Variants in DPP10 observed in about 807,000 individuals in gnomAD.
The protein encoded by DPP10 is inactive dipeptidyl peptidase 10.
In DPP10, 33 loss-of-function variants were observed where a neutral mutation model predicts 120.9. That is an observed-to-expected ratio of 0.27 (90% CI 0.21 to 0.37). The LOEUF is 0.37. Among genes scored for constraint, DPP10 ranks in the 10% least tolerant of loss-of-function variants. DPP10 has a pLI of 1.00. For missense variants in DPP10, 816 were observed against 942.8 expected (o/e 0.87, Z 1.76); for synonymous variants, 337 against 326.1 (o/e 1.03, Z -0.36).
chr2:115,410,247 T>C (rs2068841700), intron 3 of DPP10, among the ~76,000 whole-genome samples: 1 of 152,196 alleles, frequency 6.6e-6, no homozygotes, highest in Admixed American at 6.5e-5. Context: ...CCATCAATGA[T>C]AGACTGGATT....
At chr2:115,341,398 A>G (rs551251790) in intron 2 of DPP10, among the ~76,000 whole-genome samples, 3 of 152,078 alleles carry the variant, frequency 2.0e-5, no homozygotes, top group East Asian at 1.9e-4. Context: ...AGCTTCCCCA[A>G]TTATCAACAT....
chr2:115,055,478 G>C (rs1195778881), intron 1 of DPP10, among the ~76,000 whole-genome samples: 1 of 152,116 alleles, frequency 6.6e-6, no homozygotes, highest in Non-Finnish European at 1.5e-5. Context: ...AAAACGACAG[G>C]CGAAGAACCA....
At chr2:114,556,128 G>A (rs907719094) in intron 1 of DPP10, among the ~76,000 whole-genome samples, 4 of 151,518 alleles carry the variant, frequency 2.6e-5, no homozygotes, top group African/African-American at 9.7e-5. Flanking sequence ...GGGACAAGAA[G>A]GGCAGCAGGG....
intron 4 of DPP10, among the ~76,000 whole-genome samples, chr2:115,515,113 A>G (rs10197520): frequency 1.3e-5 from 2 of 151,966 alleles, no homozygotes; most frequent in East Asian, 3.9e-4. Context: ...TAATAGCACC[A>G]TAAAGTGTTC....
At chr2:115,026,214 G>GAT (rs1442942992) in intron 1 of DPP10, among the ~76,000 whole-genome samples, 1 of 152,106 alleles carries the variant, frequency 6.6e-6, no homozygotes, top group African/African-American at 2.4e-5. Context: ...TGTGGTGAGA[G>GAT]ATAGGGATCT....
intron 1 of DPP10, among the ~76,000 whole-genome samples, chr2:114,663,653 A>ATATATG (rs1270073760): frequency 2.8e-5 from 3 of 108,288 alleles, no homozygotes; most frequent in Admixed American, 9.0e-5. Context: ...ATATATATAT[A>ATATATG]TATATATATA....
At chr2:115,254,602 CCTT>C (rs761249828) in intron 1 of DPP10, among the ~76,000 whole-genome samples, 15 of 152,276 alleles carry the variant, frequency 9.9e-5, no homozygotes, top group Admixed American at 2.6e-4. Context: ...AAGGCAAGTC[CCTT>C]CTTCTTATGA....
intron 1 of DPP10, among the ~76,000 whole-genome samples, chr2:114,560,989 T>G (rs771444576): frequency 6.6e-6 from 1 of 152,200 alleles, no homozygotes; most frequent in South Asian, 2.1e-4. Context: ...AATGAACTTT[T>G]GTGTTCTCAC....
At chr2:115,304,649 T>C (rs191326534) in intron 1 of DPP10, among the ~76,000 whole-genome samples, 127 of 152,202 alleles carry the variant, frequency 8.3e-4, no homozygotes, top group Non-Finnish European at 1.6e-3. Context: ...ATAAATACAT[T>C]GACGTTTTCC....
chr2:114,659,049 G>T (rs1435569002), intron 1 of DPP10, among the ~76,000 whole-genome samples: 1 of 152,042 alleles, frequency 6.6e-6, no homozygotes, highest in Non-Finnish European at 1.5e-5. Context: ...TCTCTCTCAC[G>T]CTTCTGCTGC....
At chr2:114,649,738 A>G (rs1270171823) in intron 1 of DPP10, among the ~76,000 whole-genome samples, 1 of 152,228 alleles carries the variant, frequency 6.6e-6, no homozygotes, top group East Asian at 1.9e-4. Flanking sequence ...GGACTAGTAT[A>G]TAGTAGGGAT....
chr2:115,157,158 T>C (rs531693752), intron 1 of DPP10, among the ~76,000 whole-genome samples: 1 of 151,388 alleles, frequency 6.6e-6, no homozygotes, highest in Admixed American at 6.6e-5. Context: ...GGTAAAATAA[T>C]CTGCATTGTT....
At chr2:114,716,959 T>C (rs1701388057) in intron 1 of DPP10, among the ~76,000 whole-genome samples, 2 of 152,126 alleles carry the variant, frequency 1.3e-5, no homozygotes, top group African/African-American at 2.4e-5. Flanking sequence ...GTACACAGCT[T>C]TAAAACAAAG....
chr2:115,806,130 A>G (rs925831193), intron 19 of DPP10, among the ~76,000 whole-genome samples: 4 of 152,192 alleles, frequency 2.6e-5, no homozygotes, highest in African/African-American at 7.2e-5. Flanking sequence ...AAAAAGACCC[A>G]TAATTAGAGC....
intron 1 of DPP10, among the ~76,000 whole-genome samples, chr2:114,601,740 A>T (rs1030244636): frequency 1.3e-5 from 2 of 151,946 alleles, no homozygotes; most frequent in African/African-American, 4.8e-5. Context: ...TCCACACTAC[A>T]GCTGCAGTTT....
At chr2:114,507,792 AACCC>A (rs1362606161) in intron 1 of DPP10, among the ~76,000 whole-genome samples, 1 of 152,222 alleles carries the variant, frequency 6.6e-6, no homozygotes, top group Non-Finnish European at 1.5e-5. Flanking sequence ...TGGGAATAAT[AACCC>A]CTACTCTGCA....
intron 1 of DPP10, among the ~76,000 whole-genome samples, chr2:114,494,323 A>C (rs899363274): frequency 2.6e-5 from 4 of 152,176 alleles, no homozygotes; most frequent in African/African-American, 9.6e-5. Flanking sequence ...GTTAATATCT[A>C]TAAAGCTGCT....
intron 15 of DPP10, 62 bp from the exon 16 acceptor site, chr2:115,780,812 C>T (rs1329198655): frequency 6.8e-7 from 1 of 1,478,566 alleles, no homozygotes; most frequent in East Asian, 2.3e-5. Flanking sequence ...AATATGAACA[C>T]CACACATTCA....
intron 3 of DPP10, among the ~76,000 whole-genome samples, chr2:115,432,280 A>G (rs966520610): frequency 8.5e-5 from 13 of 152,124 alleles, no homozygotes; most frequent in Admixed American, 6.6e-5. Context: ...TATTTAAGCT[A>G]TTATGAGCTT....
Sources: gnomAD v4.1 joint callset for allele counts (sites outside exome capture counted in the v4.1 genomes callset) on GRCh38, gnomAD v4.1.1 for gene constraint, MANE v1.5 for transcripts, NCBI Gene and HGNC (gene_info 2026-07-23, HGNC 2026-07-21) for gene names.